SLC28A3: variants seen among roughly 807,000 people sequenced by gnomAD.
SLC28A3 encodes the protein solute carrier family 28 member 3.
Under a neutral mutation model 84.2 loss-of-function variants are expected in SLC28A3, and 68 were observed. That is an observed-to-expected ratio of 0.81 (90% CI 0.66 to 0.99). The LOEUF (loss-of-function observed/expected upper bound fraction) is 0.99. Ranked by LOEUF, SLC28A3 falls within the 50% of genes least tolerant of loss-of-function variation. The pLI, the probability that SLC28A3 is intolerant of heterozygous loss-of-function variation, is 0.00. For missense variants in SLC28A3, 712 were observed against 841.5 expected (o/e 0.85, Z 1.90); for synonymous variants, 267 against 303.6 (o/e 0.88, Z 1.25).
intron 1 of SLC28A3, among the ~76,000 whole-genome samples, chr9:84,314,821 G>A (rs931085291): frequency 5.3e-5 from 8 of 152,198 alleles, no homozygotes; most frequent in Non-Finnish European, 8.8e-5. Flanking sequence ...GCTGACGCCC[G>A]TAATCCCAGC....
chr9:84,348,401 A>G, the SLC28A3 span, among the ~76,000 whole-genome samples: 2 of 151,812 alleles, frequency 1.3e-5, no homozygotes. Flanking sequence ...ATTAGCTTCC[A>G]ATTCAGGCTT....
rs780945194 is a variant in SLC28A3, at chr9:84,290,216, T to A, written c.1087A>T (p.Ile363Phe). 43 of 1,613,948 alleles carry A rather than the reference T, an allele frequency of 2.7e-5. No individual in the cohort carries two copies. Among genetic ancestry groups the A allele is most frequent in the Non-Finnish European group, 3.3e-5 (39 of 1,179,964 alleles). The change falls in exon 11 of 18, where the codon ATC (isoleucine) becomes TTC (phenylalanine). Residue 363 changes from isoleucine (I) to phenylalanine (F), a missense_variant. Ile to Phe is a conservative substitution (Grantham distance 21). Coordinates refer to ENST00000376238, the MANE Select transcript of SLC28A3 (RefSeq NM_001199633.2). ...ATGGTAGAGAACCCGGCGGTCATGATGGCGTGGAGTTCAGACTTGGTGATG... is the reference window on the plus strand; with the variant it reads ...ATGGTAGAGAACCCGGCGGTCATGAAGGCGTGGAGTTCAGACTTGGTGATG... ...PYITKSELHAIMTAGFSTIAG... is the reference protein window; with the variant it reads ...PYITKSELHAFMTAGFSTIAG...
intron 16 of SLC28A3, 135 bp downstream of exon 16, chr9:84,279,840 G>C (rs1186661341): frequency 1.3e-6 from 1 of 765,396 alleles, no homozygotes; most frequent in Non-Finnish European, 2.1e-6. Context: ...TAACTTTACA[G>C]TATGCTTAAG....
chr9:84,315,442 G>A (rs1191926318), intron 1 of SLC28A3, among the ~76,000 whole-genome samples: 9 of 152,148 alleles, frequency 5.9e-5, no homozygotes, highest in Admixed American at 5.9e-4. Context: ...GCTTCTTGAC[G>A]TTGATTCCTC....
At chr9:84,299,145 G>A (rs1825528747) in intron 6 of SLC28A3, among the ~76,000 whole-genome samples, 1 of 152,172 alleles carries the variant, frequency 6.6e-6, no homozygotes, top group South Asian at 2.1e-4. Context: ...TAAGAGTTGA[G>A]TTCAATATTA....
At chr9:84,296,331 C>G (rs959657914) in intron 8 of SLC28A3, among the ~76,000 whole-genome samples, 5 of 152,214 alleles carry the variant, frequency 3.3e-5, no homozygotes, top group Non-Finnish European at 7.3e-5. Flanking sequence ...CAGAGGTTCT[C>G]TTCTCCAGCC....
chr9:84,282,585 G>T (rs1375023618), intron 14 of SLC28A3, among the ~76,000 whole-genome samples: 1 of 152,184 alleles, frequency 6.6e-6, no homozygotes, highest in Non-Finnish European at 1.5e-5. Context: ...GAGGATGGAA[G>T]ATGAATTCGT....
chr9:84,330,176 CA>C lies in SLC28A3; in HGVS notation c.60+10397del, dbSNP rs560194387. Among the ~76,000 whole-genome samples, 684 of 151,124 alleles carry C rather than the reference CA, an allele frequency of 4.5e-3. 5 individuals are homozygous for C. The highest frequency in any genetic ancestry group is 0.016 in the African/African-American group (664 of 41,210). The stretch of plus-strand genomic sequence containing the variant: ...ACTTACTTAAGGGAAAAAAAAAGCT[CA>C]AAAAAACTAATAGCAAGTGAAGAGA... On this transcript the variant is annotated intron_variant, in intron 1 of 17. Coordinates refer to ENST00000376238, the MANE Select transcript of SLC28A3 (RefSeq NM_001199633.2).
rs149316560 is a variant in SLC28A3 at position 84,278,254 on chromosome 9, C to T, written c.2040G>A (p.Ser680=). The T allele has an allele frequency of 6.1e-4, 990 of 1,613,712 alleles. 3 individuals carry two copies. The highest frequency in any genetic ancestry group is 7.9e-4 in the Non-Finnish European group (927 of 1,179,968). Residue 680 remains serine (S), a synonymous_variant, in exon 18 of 18, where the codon TCG becomes TCA. Coordinates refer to ENST00000376238, the MANE Select transcript of SLC28A3 (RefSeq NM_001199633.2). ...LKGCCTLLNP[S]TFNCNGISNT... is the part of the protein sequence containing the mutation. Reference sequence around the variant, plus strand: ...TAGAGATCCCATTGCAGTTAAAGGTCGATGGATTCAACAATGTGCAGCAGC... The same window carrying T: ...TAGAGATCCCATTGCAGTTAAAGGTTGATGGATTCAACAATGTGCAGCAGC...
intron 6 of SLC28A3, 76 bp from the exon 7 acceptor site, chr9:84,298,095 C>T: frequency 8.2e-7 from 1 of 1,222,694 alleles, no homozygotes; most frequent in Non-Finnish European, 1.2e-6. Context: ...TAATGGATCA[C>T]TATTTCCTTG....
rs1406606442 is a variant in SLC28A3 at position 84,299,613 on chromosome 9, G to A, written c.637C>T (p.Leu213=). ...SFGGLIMYIV[L]LFLFSKYPTR... ...GGGTACTTGGAAAATAGAAATAACA[G>A]GACAATGTACATTATGAGCCCACCG... The change falls in exon 6 of 18, where the codon CTG becomes TTG. Residue 213 remains leucine, a synonymous_variant. Transcript: ENST00000376238. The A allele has an allele frequency of 1.2e-6, 2 of 1,613,890 alleles. No individual in the cohort carries two copies. The highest frequency in any genetic ancestry group is 1.7e-6 in the Non-Finnish European group (2 of 1,179,972).
At chr9:84,342,415 C>A (rs2118654910), upstream of SLC28A3, among the ~76,000 whole-genome samples, 1 of 146,694 alleles carries the variant, frequency 6.8e-6, no homozygotes, top group East Asian at 2.0e-4. Context: ...CACTTAGTAG[C>A]AGTTACAAGT....
intron 1 of SLC28A3, 143 bp from the exon 2 acceptor site, chr9:84,313,597 C>G: frequency 1.6e-6 from 1 of 642,572 alleles, no homozygotes; most frequent in East Asian, 2.8e-5. Flanking sequence ...CAACAAACAG[C>G]TGACAAATCC....
At chr9:84,364,657 C>T in the SLC28A3 span, among the ~76,000 whole-genome samples, 1 of 152,010 alleles carries the variant, frequency 6.6e-6, no homozygotes, top group Non-Finnish European at 1.5e-5. Context: ...TCCCTACCTC[C>T]CCTGCAGACC....
At chr9:84,308,611 C>T (rs1478710566) in intron 3 of SLC28A3, among the ~76,000 whole-genome samples, 1 of 152,038 alleles carries the variant, frequency 6.6e-6, no homozygotes, top group Non-Finnish European at 1.5e-5. Flanking sequence ...GCCTATGCAA[C>T]AGAGTAAGCC....
chr9:84,281,450 A>G (rs1187865449), intron 14 of SLC28A3, among the ~76,000 whole-genome samples: 3 of 152,232 alleles, frequency 2.0e-5, no homozygotes, highest in Admixed American at 1.3e-4. Flanking sequence ...CCACAATGAG[A>G]TACTACTATG....
At chr9:84,279,886 T>A in intron 16 of SLC28A3, 89 bp downstream of exon 16, 1 of 1,240,090 alleles carries the variant, frequency 8.1e-7, no homozygotes, top group South Asian at 1.3e-5. Flanking sequence ...TGGCAGCGTG[T>A]GCTGCACATG....
Position 84,313,473 on chromosome 9 carries a change from T to C in SLC28A3, c.61-19A>G. ...CTTCATTCTAAGAAAAAAGTGCAGA[T>C]TGAAAAAATAAAAAGTTACAGCCAA... On this transcript the variant is annotated intron_variant, in intron 1 of 17. Transcript: ENST00000376238. 3.7e-6 allele frequency: 6 copies of C among 1,603,634 alleles called. No individual in the cohort carries two copies. The highest frequency in any genetic ancestry group is 5.1e-6 in the Non-Finnish European group (6 of 1,172,818).
chr9:84,327,195 T>C (rs1403192478), intron 1 of SLC28A3, among the ~76,000 whole-genome samples: 1 of 152,136 alleles, frequency 6.6e-6, no homozygotes, highest in African/African-American at 2.4e-5. Flanking sequence ...GGGGCCTCAA[T>C]TATTTTCCCC....
Sources: allele counts gnomAD v4.1 joint callset (sites outside exome capture counted in the v4.1 genomes callset), GRCh38; gene constraint gnomAD v4.1.1; transcripts MANE v1.5; gene names NCBI Gene and HGNC (gene_info 2026-07-23, HGNC 2026-07-21).